The following ALK variants were observed in gnomAD, a reference collection of about 807,000 sequenced individuals.
ALK encodes ALK receptor tyrosine kinase.
A neutral mutation model predicts 163.1 loss-of-function variants in ALK; 74 were observed. The ratio of observed to expected loss-of-function variants is 0.45; its 90% CI spans 0.38 to 0.55. ALK has a LOEUF of 0.55. Among genes scored for constraint, ALK ranks in the 20% least tolerant of loss-of-function variants. The pLI, the probability that ALK is intolerant of heterozygous loss-of-function variation, is 0.00. For synonymous variants in ALK, 960 were observed against 843.2 expected, an observed-to-expected ratio of 1.14 and a Z score of -2.40; for missense variants, 2,063 against 2,105.3, an observed-to-expected ratio of 0.98 and a Z score of 0.39.
chr2:29,659,463 G>A (rs759776221), intron 3 of ALK, among the ~76,000 whole-genome samples: 4 of 152,036 alleles, frequency 2.6e-5, no homozygotes, highest in Non-Finnish European at 5.9e-5. Flanking sequence ...GCACTGTCCA[G>A]GTTCTCAACT....
intron 4 of ALK, among the ~76,000 whole-genome samples, chr2:29,522,612 T>C (rs1672844451): frequency 6.6e-6 from 1 of 152,054 alleles, no homozygotes; most frequent in South Asian, 2.1e-4. Context: ...ACATGGTCAA[T>C]GCTATTTGAG....
intron 5 of ALK, among the ~76,000 whole-genome samples, chr2:29,368,058 C>T (rs1440374297): frequency 1.3e-5 from 2 of 152,156 alleles, no homozygotes; most frequent in African/African-American, 2.4e-5. Context: ...AGGCTTTGAG[C>T]CAAACACCAG....
intron 4 of ALK, among the ~76,000 whole-genome samples, chr2:29,437,822 C>A (rs1451916420): frequency 2.0e-5 from 3 of 152,184 alleles, no homozygotes; most frequent in Non-Finnish European, 2.9e-5. Context: ...ACTTGTTTAA[C>A]TATAGATTAT....
chr2:29,807,970 CT>C, intron 1 of ALK, among the ~76,000 whole-genome samples: 1 of 152,202 alleles, frequency 6.6e-6, no homozygotes, highest in African/African-American at 2.4e-5. Context: ...TGCCAAGCTC[CT>C]TTTTTTAACA....
chr2:29,434,970 T>C (rs1011603760), intron 4 of ALK, among the ~76,000 whole-genome samples: 1 of 152,192 alleles, frequency 6.6e-6, no homozygotes, highest in Non-Finnish European at 1.5e-5. Flanking sequence ...ATTCAGAGAA[T>C]TGAACTGATT....
intron 4 of ALK, among the ~76,000 whole-genome samples, chr2:29,386,372 G>A (rs1279235642): frequency 2.6e-5 from 4 of 152,280 alleles, no homozygotes; most frequent in Non-Finnish European, 5.9e-5. Flanking sequence ...GGAAAAGGAG[G>A]GCTTTCGGTT....
chr2:29,541,011 C>A (rs1309930346), intron 3 of ALK, among the ~76,000 whole-genome samples: 1 of 152,068 alleles, frequency 6.6e-6, no homozygotes, highest in Non-Finnish European at 1.5e-5. Context: ...ATAGACTATT[C>A]CAGACATTAG....
At chr2:29,666,191 T>C (rs1414662456) in intron 3 of ALK, among the ~76,000 whole-genome samples, 1 of 152,180 alleles carries the variant, frequency 6.6e-6, no homozygotes, top group African/African-American at 2.4e-5. Flanking sequence ...CATGATTTGT[T>C]CTTTTAAAAC....
chr2:29,636,229 T>C (rs910535471), intron 3 of ALK, among the ~76,000 whole-genome samples: 59 of 152,054 alleles, frequency 3.9e-4, no homozygotes, highest in African/African-American at 1.4e-3. Flanking sequence ...AATATGCCCA[T>C]ATTCTTGATA....
rs139437088 is a variant in ALK, at chr2:29,193,514, T to C, written c.4573A>G (p.Lys1525Glu). 425 of 1,613,756 alleles carry C rather than the reference T, an allele frequency of 2.6e-4. 1 individual carries two copies. The East Asian group carries it at 8.5e-3, about 32-fold the overall frequency. The change falls in exon 29 of 29, where the codon AAG becomes GAG. Residue 1525 changes from lysine (K) to glutamate (E), a missense_variant. Lys to Glu is a moderately conservative substitution (Grantham distance 56). Transcript: ENST00000389048. ...AGGTTACCCCTGTCGTGTGGCTCCT[T>C]CTTTGCTATAGGATTATTCTTTTTG... ...PTKKNNPIAK[K>E]EPHDRGNLGL...
chr2:29,195,109 CCT>C (rs1481035817), intron 28 of ALK, among the ~76,000 whole-genome samples: 4 of 152,012 alleles, frequency 2.6e-5, no homozygotes, highest in African/African-American at 9.7e-5. Context: ...TCTTTAGTTC[CCT>C]CTGTGTTTTA....
At chr2:29,207,038 TG>T in intron 26 of ALK, 132 bp downstream of exon 26, 1 of 738,102 alleles carries the variant, frequency 1.4e-6, no homozygotes, top group Non-Finnish European at 2.5e-6. Flanking sequence ...GAACCACTGT[TG>T]TCGGGTGTAT....
In ALK at chr2:29,855,646, T is replaced by G. The variant is rs145300952; in HGVS notation, c.667+64347A>C. Among the ~76,000 whole-genome samples the G allele has an allele frequency of 2.2e-3, 341 of 152,296 alleles. 4 individuals are homozygous for G. The highest frequency in any genetic ancestry group is 7.7e-3 in the African/African-American group (322 of 41,560). ...ACACACTGACAAAAGTCTCTGTGCC[T>G]CCCTCAAAGAAGTGAACACAGGAAT... On this transcript the variant is annotated intron_variant, in intron 1 of 28. Transcript: ENST00000389048.
At chr2:29,912,678 C>A (rs1042402530) in intron 1 of ALK, among the ~76,000 whole-genome samples, 1 of 151,744 alleles carries the variant, frequency 6.6e-6, no homozygotes, top group South Asian at 2.1e-4. Context: ...ACACGCATGA[C>A]TGGCATATAT....
intron 1 of ALK, among the ~76,000 whole-genome samples, chr2:29,824,772 C>A (rs1480921738): frequency 6.6e-6 from 1 of 152,122 alleles, no homozygotes; most frequent in Non-Finnish European, 1.5e-5. Flanking sequence ...AAGGGACTTG[C>A]CTTGTCTCAG....
chr2:29,740,330 A>G (rs560894383), intron 1 of ALK, among the ~76,000 whole-genome samples: 10 of 152,240 alleles, frequency 6.6e-5, no homozygotes, highest in Admixed American at 5.2e-4. Flanking sequence ...GAACGGATGA[A>G]AGAAGGGAAG....
intron 2 of ALK, among the ~76,000 whole-genome samples, chr2:29,711,628 G>A (rs1679105003): frequency 6.6e-6 from 1 of 152,148 alleles, no homozygotes; most frequent in South Asian, 2.1e-4. Flanking sequence ...CAGGCAGGGT[G>A]GGGGTTGTGG....
Position 29,193,336 on chromosome 2 carries a change from T to G in ALK, c.4751A>C (p.Tyr1584Ser). The G allele has an allele frequency of 1.2e-6, 2 of 1,614,168 alleles. No individual in the cohort carries two copies. Among genetic ancestry groups the G allele is most frequent in the Non-Finnish European group, 1.7e-6 (2 of 1,180,016 alleles). Reference sequence around the variant, plus strand: ...GGGCAAGCCCTGTTGCTGGTAGCCGTAATTGACATTCCCACAAGGGAAGTG... The same window carrying G: ...GGGCAAGCCCTGTTGCTGGTAGCCGGAATTGACATTCCCACAAGGGAAGTG... ...LRHFPCGNVN[Y>S]GYQQQGLPLE... is the part of the protein sequence containing the mutation. The change falls in exon 29 of 29, where the codon TAC (tyrosine) becomes TCC (serine). Residue 1584 changes from tyrosine to serine, a missense_variant. This residue lies in a region of ALK where 403 missense variants were observed against 366.2 expected (regional missense o/e 1.10). Transcript: ENST00000389048.
chr2:29,275,406 G>C lies in ALK; in HGVS notation c.1908C>G (p.Leu636=), dbSNP rs1268649558. 7 of 1,613,970 alleles carry C rather than the reference G, an allele frequency of 4.3e-6. No individual in the cohort carries two copies. The African/African-American group carries it at 6.7e-5, about 15-fold the overall frequency. ...DNISISLDCY[L]TISGEDKILQ... The stretch of plus-strand genomic sequence containing the variant: ...CTGGGGTCAGAGTGAACTCACTGGT[G>C]AGGTAGCAGTCCAGGCTGATGGAGA... The change falls in exon 10 of 29, where the codon CTC becomes CTG. Residue 636 remains leucine, a synonymous_variant. Transcript: ENST00000389048.
Sources: gnomAD v4.1 joint callset for allele counts (sites outside exome capture counted in the v4.1 genomes callset) on GRCh38, gnomAD v4.1.1 for gene constraint, gnomAD v4.1.1 regional missense constraint, MANE v1.5 for transcripts, NCBI Gene and HGNC (gene_info 2026-07-23, HGNC 2026-07-21) for gene names.